ARHGAP35: variants seen among roughly 807,000 people sequenced by gnomAD.
The protein encoded by ARHGAP35 is Rho GTPase activating protein 35, also known as rho GTPase-activating protein 35.
Under a neutral mutation model 111.1 loss-of-function variants are expected in ARHGAP35, and 15 were observed. The ratio of observed to expected loss-of-function variants is 0.13; its 90% CI spans 0.09 to 0.21. The LOEUF (loss-of-function observed/expected upper bound fraction) is 0.21, where lower values mean the gene tolerates loss of function less well. Among genes scored for constraint, ARHGAP35 ranks in the 10% least tolerant of loss-of-function variants. The pLI, the probability that ARHGAP35 is intolerant of heterozygous loss-of-function variation, is 1.00. For synonymous variants in ARHGAP35, 643 were observed against 710.3 expected (o/e 0.91, Z 1.51); for missense variants, 1,262 against 1,873.0 (o/e 0.67, Z 6.02).
intron 3 of ARHGAP35, among the ~76,000 whole-genome samples, chr19:46,957,048 G>A (rs568667633): frequency 1.7e-4 from 23 of 134,506 alleles, no homozygotes; most frequent in South Asian, 7.3e-4. Context: ...TGCAACCTCC[G>A]CCTCCCGGGT....
At chr19:46,962,860 C>T (rs1288914589) in intron 3 of ARHGAP35, among the ~76,000 whole-genome samples, 3 of 152,160 alleles carry the variant, frequency 2.0e-5, no homozygotes, top group Non-Finnish European at 2.9e-5. Flanking sequence ...GTGATCCGCC[C>T]GCACTTGGCC....
chr19:46,912,985 A>G (rs1215574874), intron 1 of ARHGAP35, among the ~76,000 whole-genome samples: 1 of 151,658 alleles, frequency 6.6e-6, no homozygotes, highest in African/African-American at 2.4e-5. Context: ...TATTTCCCCT[A>G]TTGAGATTAA....
intron 1 of ARHGAP35, among the ~76,000 whole-genome samples, chr19:46,867,765 T>A (rs193095888): frequency 6.6e-6 from 1 of 152,098 alleles, no homozygotes; most frequent in East Asian, 1.9e-4. Flanking sequence ...TTTTTTGTTG[T>A]TGTTGTTGTT....
intron 1 of ARHGAP35, among the ~76,000 whole-genome samples, chr19:46,877,853 C>T (rs944640522): frequency 6.6e-6 from 1 of 151,540 alleles, no homozygotes; most frequent in African/African-American, 2.4e-5. Context: ...ATTACAGGCG[C>T]CTGCCACCGC....
intron 1 of ARHGAP35, among the ~76,000 whole-genome samples, chr19:46,866,497 C>A (rs1454246304): frequency 6.6e-6 from 1 of 152,196 alleles, no homozygotes; most frequent in Non-Finnish European, 1.5e-5. Context: ...GAACAAATTG[C>A]TTGACCTCTC....
rs972837880 is a variant in ARHGAP35, at chr19:46,999,492, C to T, written c.4142+83C>T. The T allele has an allele frequency of 2.1e-6, 2 of 956,428 alleles. No homozygotes were observed. Among genetic ancestry groups the T allele is most frequent in the Admixed American group, 2.2e-5 (1 of 46,132 alleles). 59.2% of individuals were successfully genotyped at this position (956,428 alleles called of 1,614,324 possible). On this transcript the variant is annotated intron_variant, in intron 6 of 6. Transcript: ENST00000672722. The surrounding 1 kb of genome is among the most constrained non-coding windows in gnomAD (Gnocchi z 5.4). Reference sequence around the variant, plus strand: ...GTGTGTCGCAGAACAAGGCTCTGTCCACAAGCCAGTAGAAGCCTCAGGCCC... The same window carrying T: ...GTGTGTCGCAGAACAAGGCTCTGTCTACAAGCCAGTAGAAGCCTCAGGCCC...
intron 3 of ARHGAP35, among the ~76,000 whole-genome samples, chr19:46,958,979 C>T (rs1320867910): frequency 6.6e-6 from 1 of 151,938 alleles, no homozygotes; most frequent in Non-Finnish European, 1.5e-5. Context: ...GTGTGATTCT[C>T]CAGAGGAAAA....
At position 46,971,399 on chromosome 19, in the gene ARHGAP35, C is replaced by T. The variant is rs999689376; in HGVS notation, c.3827-16590C>T. 3.9e-5 allele frequency among the ~76,000 whole-genome samples: 6 copies of T among 152,122 alleles called. No individual in the cohort carries two copies. In the East Asian group the frequency reaches 1.2e-3, roughly 29 times the overall value. Reference sequence around the variant, plus strand: ...CCAGCCCGGGCGACAGAGCCAGACTCCATCTCACACACACACAAAAAAAAT... The same window carrying T: ...CCAGCCCGGGCGACAGAGCCAGACTTCATCTCACACACACACAAAAAAAAT... On this transcript the variant is annotated intron_variant, in intron 3 of 6. Transcript: ENST00000672722.
At chr19:46,946,165 C>T (rs959013192) in intron 3 of ARHGAP35, among the ~76,000 whole-genome samples, 3 of 152,366 alleles carry the variant, frequency 2.0e-5, no homozygotes, top group South Asian at 2.1e-4. Flanking sequence ...TCCCTCACCC[C>T]GCTTTCTGTT....
At chr19:46,863,051 C>T (rs931003369) in intron 1 of ARHGAP35, among the ~76,000 whole-genome samples, 3 of 151,710 alleles carry the variant, frequency 2.0e-5, no homozygotes, top group Non-Finnish European at 4.4e-5. Context: ...TCCTTCCTCA[C>T]CTTTTTTTTT....
chr19:46,978,885 T>C lies in ARHGAP35; in HGVS notation c.3827-9104T>C, dbSNP rs1599861440. Among the ~76,000 whole-genome samples the C allele has an allele frequency of 3.9e-5, 3 of 77,488 alleles. 1 individual carries two copies. Among genetic ancestry groups the C allele is most frequent in the African/African-American group, 1.6e-4 (3 of 19,212 alleles). 50.8% of individuals were successfully genotyped at this position (77,488 alleles called of 152,430 possible). A position where few individuals can be genotyped will look rare whatever the true frequency, so the allele number is the denominator to read the frequency against. The stretch of plus-strand genomic sequence containing the variant: ...TGGTGGGGTTTGGTGGGATTGTGTG[T>C]GTGGTGTGGGGGTGTGTGTGGTGGG... On this transcript the variant is annotated intron_variant, in intron 3 of 6. Transcript: ENST00000672722.
At chr19:46,871,007 A>G (rs1568457560) in intron 1 of ARHGAP35, among the ~76,000 whole-genome samples, 1 of 152,194 alleles carries the variant, frequency 6.6e-6, no homozygotes, top group African/African-American at 2.4e-5. Flanking sequence ...GAGAGTCTCT[A>G]TATAAGGCAC....
At chr19:46,987,405 G>A (rs760534163) in intron 3 of ARHGAP35, among the ~76,000 whole-genome samples, 3 of 150,386 alleles carry the variant, frequency 2.0e-5, no homozygotes, top group Non-Finnish European at 4.4e-5. Flanking sequence ...AGTAGAGATG[G>A]GGTTTCACTA....
chr19:46,878,213 G>T (rs192405034), intron 1 of ARHGAP35, among the ~76,000 whole-genome samples: 161 of 152,048 alleles, frequency 1.1e-3, no homozygotes, highest in Non-Finnish European at 2.0e-3. Flanking sequence ...AGTAAAAACG[G>T]GATTTCTCCA....
chr19:46,970,342 C>T (rs1406171276), intron 3 of ARHGAP35, among the ~76,000 whole-genome samples: 1 of 152,158 alleles, frequency 6.6e-6, no homozygotes, highest in Non-Finnish European at 1.5e-5. Context: ...TTGAGGAACC[C>T]AGTGCAGTGT....
At chr19:46,900,117 T>C (rs1336151780) in intron 1 of ARHGAP35, among the ~76,000 whole-genome samples, 2 of 152,218 alleles carry the variant, frequency 1.3e-5, no homozygotes, top group Non-Finnish European at 2.9e-5. Flanking sequence ...GGATAATGCC[T>C]TGATAAGTTA....
Position 46,918,311 on chromosome 19 carries a change from A to G in ARHGAP35, c.-188-177A>G. On this transcript the variant is annotated intron_variant, in intron 1 of 6. Coordinates refer to ENST00000672722, the MANE Select transcript of ARHGAP35 (RefSeq NM_004491.5). This position sits in a 1 kb window ranked among gnomAD's most constrained non-coding sequence, Gnocchi z 5.4. ...TGGACTAGATTGTACCTCTCTGGGG[A>G]CACATAGATGTGAGTCTTACTTGCT... Among the ~76,000 whole-genome samples the G allele has an allele frequency of 6.6e-6, 1 of 152,132 alleles. No individual in the cohort carries two copies. Among genetic ancestry groups the G allele is most frequent in the South Asian group, 2.1e-4 (1 of 4,826 alleles).
chr19:46,973,438 C>T (rs2056562308), intron 3 of ARHGAP35, among the ~76,000 whole-genome samples: 1 of 152,140 alleles, frequency 6.6e-6, no homozygotes, highest in African/African-American at 2.4e-5. Flanking sequence ...TCCCTGTAAT[C>T]CCAGCACTTT....
rs1222257396 is a variant in ARHGAP35, at chr19:46,994,952, T to A, written c.4037-4352T>A. Among the ~76,000 whole-genome samples the A allele has an allele frequency of 6.6e-6, 1 of 152,164 alleles. No homozygotes were observed. The highest frequency in any genetic ancestry group is 2.4e-5 in the African/African-American group (1 of 41,446). Reference sequence around the variant, plus strand: ...CATCCCCACGTGCTCAGCCCAGCCCTTCTCATGCTCACCTGCCTCTGGGTC... The same window carrying A: ...CATCCCCACGTGCTCAGCCCAGCCCATCTCATGCTCACCTGCCTCTGGGTC... On this transcript the variant is annotated intron_variant, in intron 5 of 6. Coordinates refer to ENST00000672722, the MANE Select transcript of ARHGAP35 (RefSeq NM_004491.5). This position sits in a 1 kb window ranked among gnomAD's most constrained non-coding sequence, Gnocchi z 5.4.
Sources: gnomAD v4.1 joint callset for allele counts (sites outside exome capture counted in the v4.1 genomes callset) on GRCh38, gnomAD v4.1.1 for gene constraint, Gnocchi (gnomAD v3.1) non-coding constraint, MANE v1.5 for transcripts, NCBI Gene and HGNC (gene_info 2026-07-23, HGNC 2026-07-21) for gene names.